Variants in MSH6 observed in about 807,000 individuals in gnomAD.
MSH6 encodes DNA mismatch repair protein Msh6.
Under a neutral mutation model 119.1 loss-of-function variants are expected in MSH6, and 85 were observed. That is an observed-to-expected ratio of 0.71 (90% CI 0.60 to 0.85). MSH6 has a LOEUF of 0.85. Ranked by LOEUF, MSH6 falls within the 40% of genes least tolerant of loss-of-function variation. The pLI is 0.00. For missense variants in MSH6, 2,163 were observed against 1,655.3 expected, an observed-to-expected ratio of 1.31 and a Z score of -5.32; for synonymous variants, 830 against 586.9, an observed-to-expected ratio of 1.41 and a Z score of -5.99.
At chr2:47,798,500 A>C (rs1669229940) in intron 3 of MSH6, 111 bp from the exon 4 acceptor site, 5 of 1,091,730 alleles carry the variant, frequency 4.6e-6, no homozygotes, top group Non-Finnish European at 6.7e-6. Flanking sequence ...AATGAAAAAC[A>C]GTGGCTGCAC....
chr2:47,806,236 A>T lies in MSH6; in HGVS notation c.3679A>T (p.Ile1227Leu), dbSNP rs587779282. ...RGTATFDGTA[I>L]ANAVVKELAE... ...TACTGCAACATTTGATGGGACGGCA[A>T]TAGCAAATGCAGTTGTTAAAGAACT... The change falls in exon 8 of 10, where the codon ATA (isoleucine) becomes TTA (leucine). Residue 1227 changes from isoleucine to leucine, a missense_variant. Physicochemically the swap from Ile to Leu is conservative, Grantham distance 5. Transcript: ENST00000234420. The T allele has an allele frequency of 1.9e-6, 3 of 1,613,994 alleles. No individual in the cohort carries two copies. The highest frequency in any genetic ancestry group is 2.5e-6 in the Non-Finnish European group (3 of 1,179,984).
intron 9 of MSH6, 49 bp downstream of exon 9, chr2:47,806,700 A>AACTGACCTT: frequency 6.3e-7 from 1 of 1,583,588 alleles, no homozygotes; most frequent in African/African-American, 1.4e-5. Flanking sequence ...CTTAAGTTTC[A>AACTGACCTT]AAGAAACAGT....
rs150046242 is a variant in MSH6 at position 47,791,206 on chromosome 2, T to C, written c.457+83T>C. The C allele has an allele frequency of 7.3e-5, 97 of 1,325,924 alleles. 1 individual carries two copies. The highest frequency in any genetic ancestry group is 4.3e-4 in the Middle Eastern group (2 of 4,654). The allele number at this position is 1,325,924 out of a possible 1,614,324, so 82.1% of individuals were successfully genotyped here. A position where few individuals can be genotyped will look rare whatever the true frequency, so the allele number is the denominator to read the frequency against. On this transcript the variant is annotated intron_variant, in intron 2 of 9. Coordinates refer to ENST00000234420, the MANE Select transcript of MSH6 (RefSeq NM_000179.3). ...AAACAGACAGACAGGCAGACTTTTT[T>C]CTATATGATGAAATTAAGTGTATTT...
intron 1 of MSH6, chr2:47,783,921 G>GGC: frequency 2.4e-6 from 2 of 830,482 alleles, no homozygotes; most frequent in East Asian, 1.1e-4. Context: ...GGGGTGGCGG[G>GGC]AAGGAGGAAT....
Position 47,806,442 on chromosome 2 carries a change from C to A in MSH6, c.3802-10C>A, listed in dbSNP as rs1441758567. The A allele has an allele frequency of 1.2e-6, 2 of 1,613,824 alleles. No homozygotes were observed. Among genetic ancestry groups the A allele is most frequent in the African/African-American group, 2.7e-5 (2 of 74,892 alleles). ...TAGCACATGTATCGCTAATATTTTT[C>A]TTTCTTAAGGCATGCATGGTAGAAA... is the stretch of plus-strand genomic sequence containing the variant. On this transcript the variant is annotated splice_polypyrimidine_tract_variant and intron_variant, in intron 8 of 9. Transcript: ENST00000234420.
In MSH6 at chr2:47,806,232, G is replaced by T. The variant is rs730881820; in HGVS notation, c.3675G>T (p.Thr1225=). 6.2e-7 allele frequency: 1 copy of T among 1,613,910 alleles called. No homozygotes were observed. The highest frequency in any genetic ancestry group is 1.1e-5 in the South Asian group (1 of 91,058). The part of the protein sequence containing the change: ...LGRGTATFDG[T]AIANAVVKEL... ...GAGGTACTGCAACATTTGATGGGAC[G>T]GCAATAGCAAATGCAGTTGTTAAAG... The change falls in exon 8 of 10, where the codon ACG becomes ACT. Residue 1225 remains threonine (T), a synonymous_variant. Transcript: ENST00000234420.
chr2:47,786,860 T>A (rs1378231444), intron 1 of MSH6, among the ~76,000 whole-genome samples: 2 of 152,142 alleles, frequency 1.3e-5, no homozygotes, highest in Non-Finnish European at 2.9e-5. Flanking sequence ...GGTGTTGAAC[T>A]CTTGCTCTCA....
chr2:47,789,743 T>C (rs1486358975), intron 1 of MSH6, among the ~76,000 whole-genome samples: 3 of 152,234 alleles, frequency 2.0e-5, no homozygotes, highest in Non-Finnish European at 1.5e-5. Flanking sequence ...CCCTGTACTT[T>C]ATCTCTAGAT....
chr2:47,798,743 T>G lies in MSH6; in HGVS notation c.760T>G (p.Ser254Ala). 1.2e-6 allele frequency: 2 copies of G among 1,614,142 alleles called. No homozygotes were observed. The highest frequency in any genetic ancestry group is 1.7e-6 in the Non-Finnish European group (2 of 1,180,022). ...AAAAAAACGAAGGGTCATATCAGAT[T>G]CTGAGAGTGACATTGGTGGCTCTGA... Reference protein sequence around the residue: ...QIKKRRVISDSESDIGGSDVE... With the variant: ...QIKKRRVISDAESDIGGSDVE... The change falls in exon 4 of 10, where the codon TCT becomes GCT. Residue 254 changes from serine (S) to alanine (A), a missense_variant. Transcript: ENST00000234420.
rs786201042 is a variant in MSH6 at position 47,783,243 on chromosome 2, C to T, written c.10C>T (p.Gln4Ter). ...CTTGCCGGCTGTCGGTATGTCGCGACAGAGCACCCTGTACAGCTTCTTCCC... is the reference window on the plus strand; with the variant it reads ...CTTGCCGGCTGTCGGTATGTCGCGATAGAGCACCCTGTACAGCTTCTTCCC... MSR[Q>*]STLYSFFPKS... The change falls in exon 1 of 10, where the codon CAG becomes TAG. Residue 4 changes from glutamine (Q) to a stop codon, truncating the protein, a stop_gained. Transcript: ENST00000234420. LOFTEE classifies it high-confidence loss of function. The T allele has an allele frequency of 1.3e-5, 21 of 1,611,488 alleles. No homozygotes were observed. Among genetic ancestry groups the T allele is most frequent in the Non-Finnish European group, 1.8e-5 (21 of 1,179,432 alleles).
At chr2:47,806,689 C>G (rs1228853988) in intron 9 of MSH6, 38 bp downstream of exon 9, 5 of 1,589,348 alleles carry the variant, frequency 3.1e-6, no homozygotes, top group Non-Finnish European at 4.3e-6. Flanking sequence ...AACTAACTGA[C>G]CTTAAGTTTC....
chr2:47,802,632 CCTGTTTT>C (rs1669668211), intron 4 of MSH6, among the ~76,000 whole-genome samples: 1 of 148,234 alleles, frequency 6.7e-6, no homozygotes, highest in Non-Finnish European at 1.5e-5. Flanking sequence ...TGCGCCCAGC[CCTGTTTT>C]TTTTTTTTTT....
chr2:47,805,232 G>T (rs1270485166), intron 6 of MSH6, among the ~76,000 whole-genome samples: 37 of 150,786 alleles, frequency 2.5e-4, no homozygotes, highest in Admixed American at 2.4e-3. Context: ...CCAAGCTGGA[G>T]TGCAATGGCA....
intron 2 of MSH6, among the ~76,000 whole-genome samples, chr2:47,792,230 CT>C (rs1668776172): frequency 6.6e-6 from 1 of 152,210 alleles, no homozygotes; most frequent in Admixed American, 6.5e-5. Flanking sequence ...CTCAGGTGAT[CT>C]GCCCATTTCG....
At position 47,800,303 on chromosome 2, in the gene MSH6, C is replaced by G. The variant is rs864622324; in HGVS notation, c.2320C>G (p.Leu774Val). The G allele has an allele frequency of 3.1e-6, 5 of 1,613,972 alleles. No individual in the cohort carries two copies. Among genetic ancestry groups the G allele is most frequent in the Non-Finnish European group, 4.2e-6 (5 of 1,180,020 alleles). The change falls in exon 4 of 10, where the codon CTA becomes GTA. Residue 774 changes from leucine to valine, a missense_variant. Leu to Val is a conservative substitution (Grantham distance 32). Coordinates refer to ENST00000234420, the MANE Select transcript of MSH6 (RefSeq NM_000179.3). ...CCATACTCCTTTTGGTAAGCGGCTC[C>G]TAAAGCAATGGCTTTGTGCCCCACT... ...TCHTPFGKRLLKQWLCAPLCN... is the reference protein window; with the variant it reads ...TCHTPFGKRLVKQWLCAPLCN...
At chr2:47,809,517 AAGGAATC>A, downstream of MSH6, 3 of 984,184 alleles carry the variant, frequency 3.0e-6, no homozygotes, top group East Asian at 7.2e-5. Flanking sequence ...AGAGTGACAT[AAGGAATC>A]AAGTTATAAA....
Position 47,783,452 on chromosome 2 carries a change from C to T in MSH6, c.219C>T (p.Asn73=), listed in dbSNP as rs1060504756. The change falls in exon 1 of 10, where the codon AAC becomes AAT. Residue 73 remains asparagine (N), a synonymous_variant. Coordinates refer to ENST00000234420, the MANE Select transcript of MSH6 (RefSeq NM_000179.3). ...SASPPKAKNL[N]GGLRRSVAPA... ...CACCGCCCAAGGCGAAGAACCTCAACGGAGGGCTGCGGAGATCGGTAGCGC... is the reference window on the plus strand; with the variant it reads ...CACCGCCCAAGGCGAAGAACCTCAATGGAGGGCTGCGGAGATCGGTAGCGC... 3.4e-6 allele frequency: 5 copies of T among 1,465,040 alleles called. No homozygotes were observed. The highest frequency in any genetic ancestry group is 2.7e-5 in the Admixed American group (1 of 36,918). 90.8% of individuals were successfully genotyped at this position (1,465,040 alleles called of 1,614,324 possible).
At chr2:47,783,649 G>A (rs1157987049) in intron 1 of MSH6, 156 bp downstream of exon 1, 2 of 721,126 alleles carry the variant, frequency 2.8e-6, no homozygotes, top group Non-Finnish European at 4.2e-6. Flanking sequence ...TGAGTGCAGG[G>A]GTCGAGTCTG....
downstream of MSH6, chr2:47,809,780 A>C: frequency 1.1e-6 from 1 of 915,922 alleles, no homozygotes; most frequent in Non-Finnish European, 1.7e-6. Flanking sequence ...TTAGCAAGCA[A>C]ATGTAAACTG....
Sources: gnomAD v4.1 joint callset for allele counts (sites outside exome capture counted in the v4.1 genomes callset) on GRCh38, gnomAD v4.1.1 for gene constraint, MANE v1.5 for transcripts, NCBI Gene and HGNC (gene_info 2026-07-23, HGNC 2026-07-21) for gene names.